The following SLC30A10 variants were observed in gnomAD, a reference collection of about 807,000 sequenced individuals.
The protein encoded by SLC30A10 is solute carrier family 30 member 10.
A neutral mutation model predicts 21.7 loss-of-function variants in SLC30A10; 8 were observed. That is an observed-to-expected ratio of 0.37 (90% CI 0.22 to 0.67). The LOEUF (loss-of-function observed/expected upper bound fraction) is 0.67. SLC30A10 is among the 30% of genes least tolerant of loss of function. SLC30A10 has a pLI of 0.58. For missense variants in SLC30A10, 521 were observed against 642.5 expected, an observed-to-expected ratio of 0.81 and a Z score of 2.04; for synonymous variants, 272 against 279.4, an observed-to-expected ratio of 0.97 and a Z score of 0.26.
intron 2 of SLC30A10, among the ~76,000 whole-genome samples, chr1:219,924,269 T>G (rs937338861): frequency 1.1e-4 from 16 of 152,150 alleles, no homozygotes; most frequent in African/African-American, 2.9e-4. Context: ...GACTGTGTAC[T>G]AGAGAAGCAA....
intron 2 of SLC30A10, among the ~76,000 whole-genome samples, chr1:219,919,335 T>C (rs1659620824): frequency 6.6e-6 from 1 of 152,142 alleles, no homozygotes; most frequent in Non-Finnish European, 1.5e-5. Context: ...ATTTTGTTTG[T>C]TTTTTACAAA....
At position 219,913,688 on chromosome 1, in the gene SLC30A10, T is replaced by C. The variant is rs1181057606; in HGVS notation, c.*1761A>G. ...TTGAGCTTATAAAGGGCATATAACC[T>C]AGCCCAATAAGCTCCTAGAAATAAA... On this transcript the variant is annotated 3_prime_UTR_variant, in exon 4 of 4. Transcript: ENST00000366926. 6.6e-6 allele frequency: 1 copy of C among 152,236 alleles called. No homozygotes were observed. Among genetic ancestry groups the C allele is most frequent in the African/African-American group, 2.4e-5 (1 of 41,464 alleles). 9.4% of individuals were successfully genotyped at this position (152,236 alleles called of 1,614,324 possible).
rs778988694 is a variant in SLC30A10 at position 219,913,388 on chromosome 1, T to C, written c.*2061A>G. 1 of 152,258 alleles carries C rather than the reference T, an allele frequency of 6.6e-6. No individual in the cohort carries two copies. Among genetic ancestry groups the C allele is most frequent in the African/African-American group, 2.4e-5 (1 of 41,468 alleles). 9.4% of individuals were successfully genotyped at this position (152,258 alleles called of 1,614,324 possible). A position where few individuals can be genotyped will look rare whatever the true frequency, so the allele number is the denominator to read the frequency against. ...TAAAGAACAGTGTTTAAGTGCAAACTAATATCCATTCCTTCAGCCAGTTGC... is the reference window on the plus strand; with the variant it reads ...TAAAGAACAGTGTTTAAGTGCAAACCAATATCCATTCCTTCAGCCAGTTGC... On this transcript the variant is annotated 3_prime_UTR_variant, in exon 4 of 4. Coordinates refer to ENST00000366926, the MANE Select transcript of SLC30A10 (RefSeq NM_018713.3).
chr1:219,955,811 CATGTGCT>C (rs1251201747), intron 1 of SLC30A10, among the ~76,000 whole-genome samples: 1 of 152,158 alleles, frequency 6.6e-6, no homozygotes, highest in Non-Finnish European at 1.5e-5. Flanking sequence ...TAGGCACTGC[CATGTGCT>C]ATAAGCTAGG....
chr1:219,927,592 T>C (rs1027340546), intron 1 of SLC30A10, among the ~76,000 whole-genome samples: 3 of 135,690 alleles, frequency 2.2e-5, no homozygotes, highest in Non-Finnish European at 3.1e-5. Flanking sequence ...ATATGTTAAA[T>C]TGGCAGAAGA....
At chr1:219,938,122 GATTATC>G (rs1293940553) in intron 1 of SLC30A10, among the ~76,000 whole-genome samples, 1 of 152,060 alleles carries the variant, frequency 6.6e-6, no homozygotes, top group Non-Finnish European at 1.5e-5. Context: ...GATCTTTGCT[GATTATC>G]ATGCATCTTT....
Position 219,911,533 on chromosome 1 carries a change from A to T in SLC30A10, c.*3916T>A, listed in dbSNP as rs536777556. Among the ~76,000 whole-genome samples, 1 of 152,252 alleles carries T rather than the reference A, an allele frequency of 6.6e-6. No homozygotes were observed. Among genetic ancestry groups the T allele is most frequent in the South Asian group, 2.1e-4 (1 of 4,824 alleles). ...TTAAAGAGATCAGCACAGAAGAGTG[A>T]GACCAAATGCTTTTTCTTCATTTCA... On this transcript the variant is annotated 3_prime_UTR_variant, in exon 4 of 4. Transcript: ENST00000366926.
At position 219,915,371 on chromosome 1, in the gene SLC30A10, C is replaced by G; in HGVS notation, c.*78G>C. 2 of 1,542,832 alleles carry G rather than the reference C, an allele frequency of 1.3e-6. No homozygotes were observed. Among genetic ancestry groups the G allele is most frequent in the African/African-American group, 2.7e-5 (2 of 73,140 alleles). Reference sequence around the variant, plus strand: ...TGCAAGTCTAGTCTGGGCCTACAACCCAGAAAGCTCTTTTTGTGAGCCAAG... The same window carrying G: ...TGCAAGTCTAGTCTGGGCCTACAACGCAGAAAGCTCTTTTTGTGAGCCAAG... On this transcript the variant is annotated 3_prime_UTR_variant, in exon 4 of 4. Transcript: ENST00000366926.
chr1:219,950,205 T>G (rs879913878), intron 1 of SLC30A10, among the ~76,000 whole-genome samples: 1 of 152,252 alleles, frequency 6.6e-6, no homozygotes, highest in African/African-American at 2.4e-5. Flanking sequence ...ACATTTGCAT[T>G]ATTTCAATGA....
chr1:219,942,279 T>A (rs1660132671), intron 1 of SLC30A10, among the ~76,000 whole-genome samples: 1 of 152,194 alleles, frequency 6.6e-6, no homozygotes, highest in South Asian at 2.1e-4. Flanking sequence ...AGACAAATGC[T>A]CTAGCCTTGA....
At chr1:219,926,261 C>A (rs934514672) in intron 2 of SLC30A10, among the ~76,000 whole-genome samples, 1 of 152,144 alleles carries the variant, frequency 6.6e-6, no homozygotes, top group Non-Finnish European at 1.5e-5. Flanking sequence ...TCCATCAAAG[C>A]CCCACTTACA....
intron 2 of SLC30A10, among the ~76,000 whole-genome samples, chr1:219,922,210 T>G (rs1318826523): frequency 7.3e-4 from 55 of 75,170 alleles, no homozygotes; most frequent in African/African-American, 1.8e-3. Flanking sequence ...TTTTTTTTTT[T>G]TTTTTTTTTT....
At chr1:219,951,517 C>T (rs12747632) in intron 1 of SLC30A10, among the ~76,000 whole-genome samples, 2 of 151,142 alleles carry the variant, frequency 1.3e-5, no homozygotes, top group African/African-American at 2.4e-5. Flanking sequence ...GTCAGGAGAT[C>T]GAGACCATCC....
intron 1 of SLC30A10, among the ~76,000 whole-genome samples, chr1:219,937,051 TA>T (rs1015843195): frequency 1.3e-4 from 20 of 152,240 alleles, no homozygotes; most frequent in African/African-American, 4.8e-4. Context: ...TTGGGTTATC[TA>T]CATATATATA....
rs146843602 is a variant in SLC30A10 at position 219,933,703 on chromosome 1, T to TA, written n.81-6599dup. ...TCACCTGGAGTTTTAAATCCAAGTT[T>TA]AGAGAGACAGCAGAATATTTTCCTT... On this transcript the variant is annotated intron_variant and non_coding_transcript_variant, in intron 1 of 8. Transcript: ENST00000484239. 7.7e-3 allele frequency among the ~76,000 whole-genome samples: 1,179 copies of TA among 152,356 alleles called. 7 individuals carry two copies. The highest frequency in any genetic ancestry group is 0.024 in the African/African-American group (1,002 of 41,580).
At chr1:219,920,656 G>T (rs1659655143) in intron 2 of SLC30A10, among the ~76,000 whole-genome samples, 1 of 152,010 alleles carries the variant, frequency 6.6e-6, no homozygotes, top group Non-Finnish European at 1.5e-5. Context: ...ATATGCTCCA[G>T]GTATTGATTT....
chr1:219,944,912 CA>C (rs1660167889), intron 1 of SLC30A10, among the ~76,000 whole-genome samples: 1 of 152,158 alleles, frequency 6.6e-6, no homozygotes, highest in African/African-American at 2.4e-5. Context: ...TGTCTAAACA[CA>C]CCACTTAAAA....
intron 2 of SLC30A10, among the ~76,000 whole-genome samples, chr1:219,925,987 T>C (rs1447024446): frequency 1.3e-5 from 2 of 152,032 alleles, no homozygotes; most frequent in Non-Finnish European, 2.9e-5. Context: ...AAACTGGACC[T>C]TAAAAAAGAG....
chr1:219,945,371 A>G (rs1461353824), intron 1 of SLC30A10, among the ~76,000 whole-genome samples: 3 of 152,244 alleles, frequency 2.0e-5, no homozygotes, highest in Non-Finnish European at 2.9e-5. Context: ...GACAAAGGGT[A>G]CATGAGACTT....
Sources: gnomAD v4.1 joint callset for allele counts (sites outside exome capture counted in the v4.1 genomes callset) on GRCh38, gnomAD v4.1.1 for gene constraint, MANE v1.5 for transcripts, NCBI Gene and HGNC (gene_info 2026-07-23, HGNC 2026-07-21) for gene names.